The following BGN variants were observed in gnomAD, a reference collection of about 807,000 sequenced individuals.
BGN encodes bone/cartilage proteoglycan-I.
In BGN, 6 loss-of-function variants were observed where a neutral mutation model predicts 20.0. The ratio of observed to expected loss-of-function variants is 0.30; its 90% confidence interval spans 0.16 to 0.59. The LOEUF is 0.59. Among genes scored for constraint, BGN ranks in the 20% least tolerant of loss-of-function variants. The pLI is 0.88. For synonymous variants in BGN, 146 were observed against 134.6 expected (o/e 1.08, Z -0.59); for missense variants, 292 against 312.1 (o/e 0.94, Z 0.49).
chrX:153,502,583 C>T (rs1430603288), intron 1 of BGN, among the ~76,000 whole-genome samples: 1 of 112,927 alleles, frequency 8.9e-6, no homozygotes, highest in African/African-American at 3.2e-5. Flanking sequence ...GAGTGTTGAG[C>T]CTTCTCCCTA....
rs1556992695 is a variant in BGN, at chrX:153,504,861, C to T, written c.230C>T (p.Ser77Phe). The T allele has an allele frequency of 8.3e-7, 1 of 1,203,475 alleles. No individual in the cohort carries two copies. The highest frequency in any genetic ancestry group is 3.0e-5 in the East Asian group (1 of 33,789). ...TGCCACCTGCGGGTGGTTCAGTGCT[C>T]CGACCTGGGTTTGTCCCTGAGTGAT... ...CHCHLRVVQC[S>F]DLGLKSVPKE... is the part of the protein sequence containing the mutation. The change falls in exon 2 of 8, where the codon TCC becomes TTC. Residue 77 changes from serine to phenylalanine, a missense_variant. By Grantham distance (155) the Ser-to-Phe change is radical (BLOSUM62 -2). Transcript: ENST00000331595.
At chrX:153,496,631 A>T (rs2089716753) in intron 1 of BGN, among the ~76,000 whole-genome samples, 1 of 112,213 alleles carries the variant, frequency 8.9e-6, no homozygotes, top group Non-Finnish European at 1.9e-5. Context: ...TCCCTGGCCC[A>T]CCTTCAAGCC....
At position 153,506,886 on chromosome X, in the gene BGN, G is replaced by A. The variant is rs2089804663; in HGVS notation, c.733G>A (p.Glu245Lys). 13 of 1,211,532 alleles carry A rather than the reference G, an allele frequency of 1.1e-5. No homozygotes were observed. The highest frequency in any genetic ancestry group is 1.0e-5 in the Non-Finnish European group (9 of 895,385). Residue 245 changes from glutamate to lysine, a missense_variant, in exon 6 of 8, where the codon GAA (glutamate) becomes AAA (lysine). Physicochemically the swap from Glu to Lys is moderately conservative, Grantham distance 56. Transcript: ENST00000331595. ...HLDHNKIQAI[E>K]LEDLLRYSKL... ...AGACCACAACAAAATCCAGGCCATC[G>A]AACTGGAGGACCTGCTTCGCTACTC...
At position 153,508,395 on chromosome X, in the gene BGN, C is replaced by T. The variant is rs374684706; in HGVS notation, c.1057C>T (p.Arg353Cys). The change falls in exon 8 of 8, where the codon CGC becomes TGC. Residue 353 changes from arginine (R) to cysteine (C), a missense_variant. Arg to Cys is a radical substitution (Grantham distance 180). Coordinates refer to ENST00000331595, the MANE Select transcript of BGN (RefSeq NM_001711.6). The part of the protein sequence containing the change: ...PYWEVQPATF[R>C]CVTDRLAIQF... ...CTGGGAGGTGCAGCCGGCCACTTTCCGCTGCGTCACTGACCGCCTGGCCAT... is the reference window on the plus strand; with the variant it reads ...CTGGGAGGTGCAGCCGGCCACTTTCTGCTGCGTCACTGACCGCCTGGCCAT... The T allele has an allele frequency of 5.8e-6, 7 of 1,212,206 alleles. No individual in the cohort carries two copies. The highest frequency in any genetic ancestry group is 1.8e-5 in the South Asian group (1 of 57,051).
At chrX:153,506,288 C>A (rs2124237292) in intron 4 of BGN, among the ~76,000 whole-genome samples, 1 of 112,575 alleles carries the variant, frequency 8.9e-6, no homozygotes, top group East Asian at 2.8e-4. Flanking sequence ...CTTCCGGGAG[C>A]CCCATCTTCA....
chrX:153,509,371 C>T lies in BGN; in HGVS notation c.*926C>T, dbSNP rs1335034763. ...GTTGGGAGGTGGAGGCCCAGCATCC[C>T]GCGCAGATGACACCATCAACCGCCA... On this transcript the variant is annotated 3_prime_UTR_variant, in exon 8 of 8. Coordinates refer to ENST00000331595, the MANE Select transcript of BGN (RefSeq NM_001711.6). 12 of 110,807 alleles carry T rather than the reference C, an allele frequency of 1.1e-4. No homozygotes were observed. The highest frequency in any genetic ancestry group is 3.8e-4 in the South Asian group (1 of 2,609). The allele number at this position is 110,807 out of a possible 1,213,427, so 9.1% of individuals were successfully genotyped here.
rs782391883 is a variant in BGN, at chrX:153,509,028, C to CCTCT, written c.*610_*613dup. On this transcript the variant is annotated 3_prime_UTR_variant, in exon 8 of 8. Coordinates refer to ENST00000331595, the MANE Select transcript of BGN (RefSeq NM_001711.6). ...TTCTGTTCTCTCTTTCCCCGTCCTT[C>CCTCT]CTCTCTCTCTCTCTCTCTCTCTCTC... 0.015 allele frequency: 1,289 copies of CCTCT among 87,764 alleles called. 23 individuals are homozygous for CCTCT. Among genetic ancestry groups the CCTCT allele is most frequent in the Non-Finnish European group, 0.021 (962 of 45,235 alleles). 7.2% of individuals were successfully genotyped at this position (87,764 alleles called of 1,213,427 possible).
intron 1 of BGN, among the ~76,000 whole-genome samples, chrX:153,498,130 A>G (rs939032160): frequency 2.7e-5 from 3 of 112,722 alleles, no homozygotes; most frequent in African/African-American, 9.7e-5. Context: ...CTGGGGCTCT[A>G]GCCAGCCTTC....
intron 1 of BGN, among the ~76,000 whole-genome samples, chrX:153,502,666 C>T (rs1328693803): frequency 3.5e-5 from 4 of 113,204 alleles, no homozygotes; most frequent in African/African-American, 1.3e-4. Context: ...AGGCCCTGGG[C>T]TGCAACTGTG....
intron 1 of BGN, among the ~76,000 whole-genome samples, chrX:153,501,818 G>A (rs1251399142): frequency 8.9e-6 from 1 of 112,483 alleles, no homozygotes; most frequent in Non-Finnish European, 1.9e-5. Flanking sequence ...GGGTGTATGG[G>A]CCTTCCAGCC....
chrX:153,507,101 C>A lies in BGN; in HGVS notation c.825C>A (p.Phe275Leu), dbSNP rs1356188691. 1 of 1,206,530 alleles carries A rather than the reference C, an allele frequency of 8.3e-7. No individual in the cohort carries two copies. Among genetic ancestry groups the A allele is most frequent in the East Asian group, 3.0e-5 (1 of 33,622 alleles). ...IRMIENGSLS[F>L]LPTLRELHLD... The stretch of plus-strand genomic sequence containing the variant: ...TGATCGAGAACGGGAGCCTGAGCTT[C>A]CTGCCCACCCTCCGGGAGCTCCACT... The change falls in exon 7 of 8, where the codon TTC (phenylalanine) becomes TTA (leucine). Residue 275 changes from phenylalanine to leucine, a missense_variant. Physicochemically the swap from Phe to Leu is conservative, Grantham distance 22. Transcript: ENST00000331595.
intron 1 of BGN, among the ~76,000 whole-genome samples, chrX:153,500,637 A>C (rs1040651189): frequency 3.5e-5 from 4 of 112,896 alleles, no homozygotes; most frequent in African/African-American, 1.3e-4. Flanking sequence ...GCATGTGTGT[A>C]TAGATGTGTG....
intron 1 of BGN, among the ~76,000 whole-genome samples, chrX:153,498,054 G>A (rs1429015022): frequency 3.6e-5 from 4 of 112,515 alleles, no homozygotes; most frequent in Non-Finnish European, 7.5e-5. Flanking sequence ...TCAGGTCCCG[G>A]CTCCCTGGCA....
At chrX:153,503,153 G>A (rs781916334) in intron 1 of BGN, among the ~76,000 whole-genome samples, 6 of 112,763 alleles carry the variant, frequency 5.3e-5, no homozygotes, top group African/African-American at 9.6e-5. Context: ...CGGCAGCCCC[G>A]GGCAGCCAGC....
intron 1 of BGN, chrX:153,495,607 C>T (rs2089707466): frequency 1.2e-5 from 1 of 84,322 alleles, no homozygotes; most frequent in Admixed American, 1.3e-4. Context: ...GGGAGGACCG[C>T]CCAGCGCCCA....
In BGN at chrX:153,508,401, G is replaced by A. The variant is rs201567818; in HGVS notation, c.1063G>A (p.Val355Ile). ...GGTGCAGCCGGCCACTTTCCGCTGCGTCACTGACCGCCTGGCCATCCAGTT... is the reference window on the plus strand; with the variant it reads ...GGTGCAGCCGGCCACTTTCCGCTGCATCACTGACCGCCTGGCCATCCAGTT... The part of the protein sequence containing the change: ...WEVQPATFRC[V>I]TDRLAIQFGN... Residue 355 changes from valine (V) to isoleucine (I), a missense_variant, in exon 8 of 8, where the codon GTC (valine) becomes ATC (isoleucine). Physicochemically the swap from Val to Ile is conservative, Grantham distance 29. Coordinates refer to ENST00000331595, the MANE Select transcript of BGN (RefSeq NM_001711.6). 178 of 1,210,896 alleles carry A rather than the reference G, an allele frequency of 1.5e-4. No homozygotes were observed. The highest frequency in any genetic ancestry group is 1.9e-4 in the Non-Finnish European group (172 of 895,460).
chrX:153,505,415 C>A (rs782112754), intron 3 of BGN, 65 bp downstream of exon 3: 1 of 961,164 alleles, frequency 1.0e-6, no homozygotes, highest in Non-Finnish European at 1.5e-6. Flanking sequence ...GGTGCATGTG[C>A]GTGGACGTGT....
chrX:153,499,909 C>A (rs917369041), intron 1 of BGN, among the ~76,000 whole-genome samples: 1 of 113,068 alleles, frequency 8.8e-6, no homozygotes, highest in Admixed American at 9.2e-5. Flanking sequence ...GTCCCGGGGA[C>A]CCCGCAGGGC....
rs1226931450 is a variant in BGN, at chrX:153,506,834, C to G, written c.681C>G (p.Leu227=). 1 of 1,210,923 alleles carries G rather than the reference C, an allele frequency of 8.3e-7. No homozygotes were observed. The highest frequency in any genetic ancestry group is 1.7e-5 in the African/African-American group (1 of 57,723). The change falls in exon 6 of 8, where the codon CTC becomes CTG. Residue 227 remains leucine (L), a synonymous_variant. Transcript: ENST00000331595. ...EAKLTGIPKD[L]PETLNELHLD... ...TGTGCCCTCTTCTCCTGGCAGACCTCCCTGAGACCCTGAATGAACTCCACC... is the reference window on the plus strand; with the variant it reads ...TGTGCCCTCTTCTCCTGGCAGACCTGCCTGAGACCCTGAATGAACTCCACC...
Sources: allele counts gnomAD v4.1 joint callset (sites outside exome capture counted in the v4.1 genomes callset), GRCh38; gene constraint gnomAD v4.1.1; transcripts MANE v1.5; gene names NCBI Gene and HGNC (gene_info 2026-07-23, HGNC 2026-07-21).